The following VIT variants were observed in gnomAD, a reference collection of about 807,000 sequenced individuals.
The protein encoded by VIT is vitrin.
In VIT, 99 loss-of-function variants were observed where a neutral mutation model predicts 78.0. That is an observed-to-expected ratio of 1.27 (90% CI 1.08 to 1.50). The LOEUF (loss-of-function observed/expected upper bound fraction) is 1.50, where lower values mean the gene tolerates loss of function less well. VIT is among the 40% of genes most tolerant of loss of function. VIT has a pLI of 0.00. For missense variants in VIT, 1,126 were observed against 875.3 expected (o/e 1.29, Z -3.61); for synonymous variants, 374 against 334.3 (o/e 1.12, Z -1.29).
intron 15 of VIT, 27 bp downstream of exon 15, chr2:36,809,012 G>C (rs1468206696): frequency 1.3e-6 from 2 of 1,538,248 alleles, no homozygotes; most frequent in South Asian, 1.3e-5. Context: ...AAGCAGCCTG[G>C]TGCTGAGGCT....
Position 36,801,312 on chromosome 2 carries a change from C to A in VIT, c.1070C>A (p.Ala357Asp), listed in dbSNP as rs376052209. ...MGVVQYGDNP[A>D]THFNLKTHTN... Reference sequence around the variant, plus strand: ...TTCTGACTCTTCAGAGACAACCCTGCTACTCACTTTAACCTCAAGACACAC... The same window carrying A: ...TTCTGACTCTTCAGAGACAACCCTGATACTCACTTTAACCTCAAGACACAC... The change falls in exon 13 of 16, where the codon GCT (alanine) becomes GAT (aspartate). Residue 357 changes from alanine to aspartate, a missense_variant. Ala to Asp is a moderately radical substitution (Grantham distance 126, BLOSUM62 -2). Coordinates refer to ENST00000379242, the MANE Select transcript of VIT (RefSeq NM_053276.4). The A allele has an allele frequency of 4.3e-6, 7 of 1,614,030 alleles. No individual in the cohort carries two copies. The South Asian group carries it at 4.4e-5, about 10-fold the overall frequency.
chr2:36,745,052 A>ATGAATAG (rs1668056012), intron 4 of VIT, among the ~76,000 whole-genome samples: 1 of 152,144 alleles, frequency 6.6e-6, no homozygotes, highest in Non-Finnish European at 1.5e-5. Context: ...AGTTATCCCC[A>ATGAATAG]GCACTATTTA....
intron 1 of VIT, among the ~76,000 whole-genome samples, chr2:36,714,050 G>A (rs1204771878): frequency 1.3e-5 from 2 of 152,194 alleles, no homozygotes; most frequent in Non-Finnish European, 2.9e-5. Context: ...AGCTAAAGAC[G>A]TAACCAGTGG....
intron 15 of VIT, among the ~76,000 whole-genome samples, chr2:36,809,603 A>G (rs1413676015): frequency 6.6e-6 from 1 of 152,086 alleles, no homozygotes; most frequent in African/African-American, 2.4e-5. Flanking sequence ...TTTTTAGTAG[A>G]GATGGGATTT....
At chr2:36,773,320 C>T (rs1266132933) in intron 7 of VIT, among the ~76,000 whole-genome samples, 1 of 145,786 alleles carries the variant, frequency 6.9e-6, no homozygotes, top group African/African-American at 2.5e-5. Context: ...GTTAAATACT[C>T]TTTTTTTTTT....
chr2:36,795,543 G>A (rs964106256), intron 12 of VIT, among the ~76,000 whole-genome samples: 1 of 151,924 alleles, frequency 6.6e-6, no homozygotes, highest in Admixed American at 6.6e-5. Flanking sequence ...CTCCCGAGTA[G>A]CTGGGATTAC....
chr2:36,812,408 C>T (rs928107967), intron 15 of VIT, among the ~76,000 whole-genome samples: 1 of 151,194 alleles, frequency 6.6e-6, no homozygotes, highest in Non-Finnish European at 1.5e-5. Flanking sequence ...CTGAAGGTGG[C>T]GCGAGAATAG....
intron 9 of VIT, among the ~76,000 whole-genome samples, chr2:36,779,463 T>A (rs969211639): frequency 6.6e-6 from 1 of 152,234 alleles, no homozygotes; most frequent in Non-Finnish European, 1.5e-5. Flanking sequence ...GTTTTTTTAA[T>A]TTCCAACTTG....
At position 36,698,947 on chromosome 2, in the gene VIT, AAAAAG is replaced by A. The variant is rs1192289797; in HGVS notation, c.-19+1998_-19+2002del. On this transcript the variant is annotated intron_variant, in intron 1 of 15. Coordinates refer to ENST00000379242, the MANE Select transcript of VIT (RefSeq NM_053276.4). ...CAACAAAGTGAGACCTGGTCTCAAA[AAAAAG>A]AAAAGAAAAGAAAAGAAAAGAAATG... 3.9e-3 allele frequency among the ~76,000 whole-genome samples: 587 copies of A among 151,970 alleles called. 4 individuals are homozygous for A. Among genetic ancestry groups the A allele is most frequent in the African/African-American group, 0.012 (485 of 41,382 alleles).
intron 9 of VIT, among the ~76,000 whole-genome samples, chr2:36,778,886 C>T (rs190994404): frequency 6.6e-6 from 1 of 152,330 alleles, no homozygotes; most frequent in Admixed American, 6.5e-5. Context: ...CTAAAGACTA[C>T]ACCCCAGGGG....
chr2:36,721,369 G>A (rs568263103), intron 2 of VIT, among the ~76,000 whole-genome samples: 6 of 152,256 alleles, frequency 3.9e-5, no homozygotes, highest in African/African-American at 1.4e-4. Flanking sequence ...GTCCTCATGT[G>A]TCTGCCTCCC....
At position 36,724,744 on chromosome 2, in the gene VIT, A is replaced by C. The variant is rs191497334; in HGVS notation, c.53-4682A>C. 2.1e-3 allele frequency among the ~76,000 whole-genome samples: 318 copies of C among 152,340 alleles called. 1 individual carries two copies. Among genetic ancestry groups the C allele is most frequent in the African/African-American group, 7.5e-3 (311 of 41,572 alleles). On this transcript the variant is annotated intron_variant, in intron 2 of 15. Transcript: ENST00000379242. Reference sequence around the variant, plus strand: ...TTTTCAGCCTAAAAGGTCTTGGGCAACCAAAAGCAAATGATGGGGTGTTCT... The same window carrying C: ...TTTTCAGCCTAAAAGGTCTTGGGCACCCAAAAGCAAATGATGGGGTGTTCT...
At chr2:36,800,537 C>T (rs1666247481) in intron 12 of VIT, among the ~76,000 whole-genome samples, 7 of 152,078 alleles carry the variant, frequency 4.6e-5, no homozygotes, top group Admixed American at 4.6e-4. Context: ...GTCTCACGCC[C>T]ACGAAGTCAG....
chr2:36,728,875 T>C (rs1667023689), intron 2 of VIT, among the ~76,000 whole-genome samples: 3 of 148,098 alleles, frequency 2.0e-5, no homozygotes, highest in Admixed American at 2.0e-4. Context: ...AGATGACGTA[T>C]ACAGTGGTTA....
intron 4 of VIT, among the ~76,000 whole-genome samples, chr2:36,751,086 C>G (rs1359305305): frequency 1.3e-5 from 2 of 152,084 alleles, no homozygotes; most frequent in Non-Finnish European, 2.9e-5. Flanking sequence ...GTGGCAAAAC[C>G]CCGTCTCTAC....
intron 2 of VIT, among the ~76,000 whole-genome samples, chr2:36,722,214 T>C (rs533005312): frequency 3.9e-5 from 6 of 152,222 alleles, no homozygotes; most frequent in Non-Finnish European, 8.8e-5. Context: ...CTCATTGTCA[T>C]TGGAGTATTG....
chr2:36,783,688 AG>A (rs529705587), intron 11 of VIT, among the ~76,000 whole-genome samples: 112 of 152,344 alleles, frequency 7.4e-4, no homozygotes, highest in South Asian at 6.6e-3. Flanking sequence ...GGAGACGGGC[AG>A]GTTAGCAGGG....
chr2:36,787,420 G>GA, intron 12 of VIT, 144 bp downstream of exon 12: 1 of 1,173,574 alleles, frequency 8.5e-7, no homozygotes, highest in Non-Finnish European at 1.2e-6. Flanking sequence ...AAATGTAAAT[G>GA]AAAAAACTGA....
chr2:36,804,465 A>C (rs1453258162), intron 13 of VIT, among the ~76,000 whole-genome samples: 4 of 151,638 alleles, frequency 2.6e-5, no homozygotes, highest in African/African-American at 9.7e-5. Context: ...CCCACCCTAC[A>C]CTCTTGGAAA....
Sources: allele counts gnomAD v4.1 joint callset (sites outside exome capture counted in the v4.1 genomes callset), GRCh38; gene constraint gnomAD v4.1.1; transcripts MANE v1.5; gene names NCBI Gene and HGNC (gene_info 2026-07-23, HGNC 2026-07-21).